The following TNS1 variants were observed in gnomAD, a reference collection of about 807,000 sequenced individuals.
TNS1 encodes the protein tensin-1.
Under a neutral mutation model 168.6 loss-of-function variants are expected in TNS1, and 62 were observed. That is an observed-to-expected ratio of 0.37 (90% confidence interval 0.30 to 0.45). The LOEUF is 0.45. Ranked by LOEUF, TNS1 falls within the 20% of genes least tolerant of loss-of-function variation. The pLI, the probability that TNS1 is intolerant of heterozygous loss-of-function variation, is 1.00. For missense variants in TNS1, 2,240 were observed against 2,339.4 expected, an observed-to-expected ratio of 0.96 and a Z score of 0.88; for synonymous variants, 934 against 933.2, an observed-to-expected ratio of 1.00 and a Z score of -0.02.
At chr2:217,920,167 T>A (rs1361920913) in intron 4 of TNS1, 28 bp downstream of exon 4, 2 of 702,852 alleles carry the variant, frequency 2.8e-6, no homozygotes, top group African/African-American at 3.5e-5. Flanking sequence ...AGGCAGGGCT[T>A]GCAGGGCAAG....
intron 16 of TNS1, among the ~76,000 whole-genome samples, chr2:217,883,184 T>C (rs926488096): frequency 3.9e-5 from 6 of 152,240 alleles, no homozygotes; most frequent in African/African-American, 1.4e-4. Context: ...ACTTCCTGTC[T>C]TCTTAAATCT....
chr2:217,805,481 A>C (rs1938430352), intron 32 of TNS1, among the ~76,000 whole-genome samples: 1 of 16,500 alleles, frequency 6.1e-5, no homozygotes, highest in Non-Finnish European at 1.0e-4. Context: ...CACACCACAC[A>C]CACCACACAC....
chr2:217,845,843 G>A (rs1325767833), intron 19 of TNS1, among the ~76,000 whole-genome samples: 1 of 152,154 alleles, frequency 6.6e-6, no homozygotes, highest in Non-Finnish European at 1.5e-5. Flanking sequence ...GTTCTTGTAG[G>A]GGAGGAAATG....
At chr2:217,917,473 G>T (rs1338094853) in intron 4 of TNS1, among the ~76,000 whole-genome samples, 1 of 152,180 alleles carries the variant, frequency 6.6e-6, no homozygotes, top group African/African-American at 2.4e-5. Context: ...ATGCTGAGGG[G>T]CAGTGGAAGC....
upstream of TNS1, among the ~76,000 whole-genome samples, chr2:218,007,569 G>GC (rs777640472): frequency 4.1e-5 from 5 of 122,186 alleles, no homozygotes; most frequent in South Asian, 3.2e-4. Flanking sequence ...CGGGGGGTGG[G>GC]GGGGGGGGTT....
chr2:217,836,065 G>T lies in TNS1; in HGVS notation c.3154C>A (p.Pro1052Thr), dbSNP rs150803815. The change falls in exon 20 of 33, where the codon CCG becomes ACG. Residue 1052 changes from proline to threonine, a missense_variant. By Grantham distance (38) the Pro-to-Thr change is conservative. Transcript: ENST00000682258. The stretch of plus-strand genomic sequence containing the variant: ...AGAGCGATGGTAAGAGCCAGCTCCG[G>T]GGAGACACACTGGACAGGGGAGCGA... ...GVRSPVQCVS[P>T]ELALTIALNP... 6.2e-7 allele frequency: 1 copy of T among 1,613,932 alleles called. No homozygotes were observed. Among genetic ancestry groups the T allele is most frequent in the East Asian group, 2.2e-5 (1 of 44,890 alleles).
intron 1 of TNS1, among the ~76,000 whole-genome samples, chr2:218,025,744 A>G (rs1230712479): frequency 1.3e-5 from 2 of 151,906 alleles, no homozygotes; most frequent in Non-Finnish European, 2.9e-5. Context: ...TGGTGCAATC[A>G]TAGCTCACTG....
intron 3 of TNS1, among the ~76,000 whole-genome samples, chr2:217,947,846 T>C (rs1441084802): frequency 2.0e-5 from 3 of 152,172 alleles, no homozygotes; most frequent in Non-Finnish European, 4.4e-5. Context: ...TGTTCCTTCA[T>C]TTCACTTTAA....
chr2:217,814,455 G>A (rs1222385463), intron 25 of TNS1, among the ~76,000 whole-genome samples: 5 of 152,278 alleles, frequency 3.3e-5, no homozygotes, highest in East Asian at 1.9e-4. Flanking sequence ...GTGTGGGGGC[G>A]CCCCAGTAAA....
intron 19 of TNS1, among the ~76,000 whole-genome samples, chr2:217,839,860 G>T (rs1945705533): frequency 6.6e-6 from 1 of 152,220 alleles, no homozygotes; most frequent in African/African-American, 2.4e-5. Flanking sequence ...GAAGCGAGGG[G>T]ATCCGGGAGG....
intron 3 of TNS1, among the ~76,000 whole-genome samples, chr2:217,950,698 C>T (rs1004398840): frequency 7.3e-5 from 11 of 151,172 alleles, no homozygotes; most frequent in Non-Finnish European, 1.3e-4. Flanking sequence ...GAGCTGTCCA[C>T]TGGCCCAGGT....
chr2:217,919,162 G>C (rs1955451673), intron 4 of TNS1, among the ~76,000 whole-genome samples: 2 of 152,328 alleles, frequency 1.3e-5, no homozygotes, highest in East Asian at 1.9e-4. Flanking sequence ...AAGGAAAATT[G>C]AGGTCCAGAA....
intron 3 of TNS1, among the ~76,000 whole-genome samples, chr2:217,959,186 C>T (rs1435531941): frequency 2.0e-5 from 3 of 152,236 alleles, no homozygotes; most frequent in Non-Finnish European, 4.4e-5. Context: ...TTTCCCCCTC[C>T]TCCCCACCTT....
At chr2:217,850,154 A>G (rs1171685538) in intron 18 of TNS1, 5 of 985,272 alleles carry the variant, frequency 5.1e-6, no homozygotes, top group Non-Finnish European at 6.0e-6. Context: ...GCAGGATCAC[A>G]GCAGGTCTGC....
At chr2:217,965,148 GATTTCTGGGGCACTTAGCTGTTTGTT>G (rs2126012966) in intron 3 of TNS1, among the ~76,000 whole-genome samples, 1 of 152,302 alleles carries the variant, frequency 6.6e-6, no homozygotes, top group Middle Eastern at 3.4e-3. Context: ...CTGGCTGGTG[GATTTCTGGGGCACTTAGCTGTTTGTT>G]ATTTCTGGGG....
At chr2:217,979,093 C>T (rs550497109) in intron 2 of TNS1, among the ~76,000 whole-genome samples, 1 of 152,168 alleles carries the variant, frequency 6.6e-6, no homozygotes, top group South Asian at 2.1e-4. Context: ...GGGGGGTCCC[C>T]CACTGGACCC....
chr2:217,830,388 T>A lies in TNS1; in HGVS notation c.3373+1067A>T, dbSNP rs1473252532. 3 of 1,613,972 alleles carry A rather than the reference T, an allele frequency of 1.9e-6. No individual in the cohort carries two copies. The African/African-American group carries it at 4.0e-5, about 22-fold the overall frequency. The stretch of plus-strand genomic sequence containing the variant: ...CTACCTGGCTGGATCCGTCTTCTGG[T>A]AACTAAGGAAAAAAGTAAAGTTGAC... On this transcript the variant is annotated intron_variant, in intron 22 of 32. Coordinates refer to ENST00000682258, the MANE Select transcript of TNS1 (RefSeq NM_001387777.1).
At chr2:217,806,090 A>T (rs1939004009) in intron 32 of TNS1, among the ~76,000 whole-genome samples, 1 of 152,180 alleles carries the variant, frequency 6.6e-6, no homozygotes, top group Non-Finnish European at 1.5e-5. Context: ...TGATCCTGGC[A>T]GAGGGAGGAA....
intron 22 of TNS1, among the ~76,000 whole-genome samples, chr2:217,823,451 G>A (rs1020995818): frequency 1.3e-5 from 2 of 152,184 alleles, no homozygotes; most frequent in African/African-American, 4.8e-5. Flanking sequence ...AATTTGGAAG[G>A]AGCCTAGTCA....
Sources: allele counts gnomAD v4.1 joint callset (sites outside exome capture counted in the v4.1 genomes callset), GRCh38; gene constraint gnomAD v4.1.1; transcripts MANE v1.5; gene names NCBI Gene and HGNC (gene_info 2026-07-23, HGNC 2026-07-21).